The following DACH1 variants were observed in gnomAD, a reference collection of about 807,000 sequenced individuals.
The protein encoded by DACH1 is dachshund family transcription factor 1.
A neutral mutation model predicts 54.2 loss-of-function variants in DACH1; 12 were observed. The ratio of observed to expected loss-of-function variants is 0.22; its 90% CI spans 0.14 to 0.36. DACH1 has a LOEUF of 0.36. DACH1 is among the 10% of genes least tolerant of loss of function. The pLI, the probability that DACH1 is intolerant of heterozygous loss-of-function variation, is 1.00. For missense variants in DACH1, 805 were observed against 929.8 expected (o/e 0.87, Z 1.75); for synonymous variants, 386 against 366.2 (o/e 1.05, Z -0.62).
At chr13:71,665,371 T>G (rs559750353) in intron 2 of DACH1, among the ~76,000 whole-genome samples, 13 of 152,022 alleles carry the variant, frequency 8.6e-5, no homozygotes, top group African/African-American at 2.9e-4. Flanking sequence ...ATCATTTTGC[T>G]ACCCCCATAT....
chr13:71,779,169 A>ATATACG (rs759596216), intron 1 of DACH1, among the ~76,000 whole-genome samples: 1 of 68,376 alleles, frequency 1.5e-5, no homozygotes, highest in African/African-American at 7.7e-5. Context: ...GTATATACGT[A>ATATACG]TATATATACA....
At chr13:71,568,888 CGA>C (rs1194070782) in intron 4 of DACH1, among the ~76,000 whole-genome samples, 4 of 151,810 alleles carry the variant, frequency 2.6e-5, no homozygotes, top group Admixed American at 6.6e-5. Context: ...AGATATTTAG[CGA>C]GAGAGAGACA....
intron 3 of DACH1, among the ~76,000 whole-genome samples, chr13:71,623,736 C>T (rs776776040): frequency 1.3e-5 from 2 of 151,650 alleles, no homozygotes; most frequent in Non-Finnish European, 3.0e-5. Context: ...ATAAAAAAGA[C>T]GAGCAGTTAA....
intron 2 of DACH1, among the ~76,000 whole-genome samples, chr13:71,661,506 A>G (rs1879485323): frequency 6.6e-6 from 1 of 152,068 alleles, no homozygotes; most frequent in Non-Finnish European, 1.5e-5. Context: ...TAAATATGAT[A>G]TAATCAAATG....
intron 2 of DACH1, among the ~76,000 whole-genome samples, chr13:71,657,847 A>G (rs1293873584): frequency 6.6e-6 from 1 of 152,060 alleles, no homozygotes; most frequent in African/African-American, 2.4e-5. Context: ...AGCTCAAGCA[A>G]TCCTTCCACC....
chr13:71,511,747 C>T lies in DACH1; in HGVS notation c.1571-22599G>A, dbSNP rs559468097. 6.6e-5 allele frequency among the ~76,000 whole-genome samples: 10 copies of T among 152,026 alleles called. No homozygotes were observed. The South Asian group carries it at 1.9e-3, about 28-fold the overall frequency. Reference sequence around the variant, plus strand: ...ATGGAACTAAAATTATAATGATTACCTTTCTTTTCCTTGCCTTTATACATA... The same window carrying T: ...ATGGAACTAAAATTATAATGATTACTTTTCTTTTCCTTGCCTTTATACATA... On this transcript the variant is annotated intron_variant, in intron 6 of 10. Transcript: ENST00000613252.
At chr13:71,725,240 T>A (rs1215501215) in intron 1 of DACH1, among the ~76,000 whole-genome samples, 2 of 152,108 alleles carry the variant, frequency 1.3e-5, no homozygotes, top group Non-Finnish European at 2.9e-5. Flanking sequence ...TGACAAAGCT[T>A]TAATTGTTTT....
At chr13:71,707,139 C>A (rs998418551) in intron 1 of DACH1, among the ~76,000 whole-genome samples, 1 of 152,206 alleles carries the variant, frequency 6.6e-6, no homozygotes, top group East Asian at 1.9e-4. Context: ...CCTCATGGAA[C>A]TTGCAAGCTC....
chr13:71,620,782 T>C (rs1876175262), intron 3 of DACH1, among the ~76,000 whole-genome samples: 1 of 152,026 alleles, frequency 6.6e-6, no homozygotes, highest in African/African-American at 2.4e-5. Flanking sequence ...TTCTCAGATA[T>C]CTTAAAATGT....
At position 71,866,370 on chromosome 13, in the gene DACH1, T is replaced by C; in HGVS notation, c.400A>G (p.Ile134Val). ...CTGCTGCTGCCGGTGCTGGCGTTGA[T>C]GGGGGTGCTGGAAGCGACGCCGCCG... is the stretch of plus-strand genomic sequence containing the variant. ...AGGGVASSTP[I>V]NASTGSSSSS... The change falls in exon 1 of 11, where the codon ATC becomes GTC. Residue 134 changes from isoleucine to valine, a missense_variant. By Grantham distance (29) the Ile-to-Val change is conservative. Transcript: ENST00000613252. The C allele has an allele frequency of 6.6e-7, 1 of 1,508,052 alleles. No homozygotes were observed. Among genetic ancestry groups the C allele is most frequent in the Non-Finnish European group, 8.9e-7 (1 of 1,124,512 alleles). 93.4% of individuals were successfully genotyped at this position (1,508,052 alleles called of 1,614,324 possible). A position where few individuals can be genotyped will look rare whatever the true frequency, so the allele number is the denominator to read the frequency against.
chr13:71,608,789 C>G (rs1337884537), intron 3 of DACH1, among the ~76,000 whole-genome samples: 1 of 152,024 alleles, frequency 6.6e-6, no homozygotes, highest in Admixed American at 6.6e-5. Context: ...TTATTTCATG[C>G]TCTGTGCCAA....
chr13:71,643,174 C>T (rs1015417088), intron 2 of DACH1, among the ~76,000 whole-genome samples: 4 of 152,100 alleles, frequency 2.6e-5, no homozygotes, highest in African/African-American at 7.2e-5. Context: ...TTCTAATTGT[C>T]CCATCCTTTG....
intron 1 of DACH1, among the ~76,000 whole-genome samples, chr13:71,733,814 T>C (rs1328221279): frequency 2.0e-5 from 3 of 152,052 alleles, no homozygotes; most frequent in Non-Finnish European, 4.4e-5. Context: ...GTAATTTTGG[T>C]TCATAAAAAT....
chr13:71,708,056 A>G (rs1882530621), intron 1 of DACH1, among the ~76,000 whole-genome samples: 2 of 152,100 alleles, frequency 1.3e-5, no homozygotes, highest in African/African-American at 2.4e-5. Flanking sequence ...AAATTAAAAT[A>G]AAGCACTTAA....
intron 3 of DACH1, among the ~76,000 whole-genome samples, chr13:71,628,672 G>T (rs1411776326): frequency 6.6e-6 from 1 of 152,002 alleles, no homozygotes; most frequent in African/African-American, 2.4e-5. Flanking sequence ...AATTCAAATT[G>T]TTTGTTTTTA....
chr13:71,817,918 G>T (rs1425275920), intron 1 of DACH1, among the ~76,000 whole-genome samples: 2 of 147,878 alleles, frequency 1.4e-5, no homozygotes, highest in African/African-American at 5.0e-5. Context: ...AGGTTCAAGT[G>T]ATTCTCCTCC....
At chr13:71,588,870 T>C (rs1003718228) in intron 3 of DACH1, among the ~76,000 whole-genome samples, 1 of 152,022 alleles carries the variant, frequency 6.6e-6, no homozygotes, top group African/African-American at 2.4e-5. Flanking sequence ...ATAAATGAAA[T>C]GTAACCTAGT....
Position 71,606,532 on chromosome 13 carries a change from G to C in DACH1, c.1126+24024C>G, listed in dbSNP as rs149160438. ...TTGAATACAAAGGTATCAGGAGGTAGAATGAGTGTTGAATTTATGTTGTGG... is the reference window on the plus strand; with the variant it reads ...TTGAATACAAAGGTATCAGGAGGTACAATGAGTGTTGAATTTATGTTGTGG... On this transcript the variant is annotated intron_variant, in intron 3 of 10. Coordinates refer to ENST00000613252, the MANE Select transcript of DACH1 (RefSeq NM_080759.6). 1.3e-3 allele frequency among the ~76,000 whole-genome samples: 192 copies of C among 152,130 alleles called. 2 individuals are homozygous for C. The East Asian group carries it at 0.03, about 24-fold the overall frequency.
Position 71,735,217 on chromosome 13 carries a change from A to C in DACH1, c.849-53307T>G, listed in dbSNP as rs1189985224. On this transcript the variant is annotated intron_variant, in intron 1 of 10. Transcript: ENST00000613252. ...TGTATATGGGATACACGTATATGGG[A>C]TATACATATGTATATGGGATACACG... is the stretch of plus-strand genomic sequence containing the variant. 1.3e-5 allele frequency among the ~76,000 whole-genome samples: 2 copies of C among 148,738 alleles called. 1 individual carries two copies. The highest frequency in any genetic ancestry group is 3.0e-5 in the Non-Finnish European group (2 of 66,942).
Sources: gnomAD v4.1 joint callset for allele counts (sites outside exome capture counted in the v4.1 genomes callset) on GRCh38, gnomAD v4.1.1 for gene constraint, MANE v1.5 for transcripts, NCBI Gene and HGNC (gene_info 2026-07-23, HGNC 2026-07-21) for gene names.